Variants in DNAI1 observed in about 807,000 individuals in gnomAD.
DNAI1 encodes the protein dynein, axonemal, intermediate polypeptide 1.
DNAI1 carries 67 observed loss-of-function variants against 92.0 expected under a neutral mutation model. The ratio of observed to expected loss-of-function variants is 0.73; its 90% CI spans 0.60 to 0.89. The LOEUF is 0.89. Among genes scored for constraint, DNAI1 ranks in the 40% least tolerant of loss-of-function variants. The probability of loss-of-function intolerance (pLI) is 0.00; values close to 1 mark genes in which losing one functional copy is unlikely to be tolerated. For missense variants in DNAI1, 839 were observed against 866.6 expected (o/e 0.97, Z 0.40); for synonymous variants, 323 against 319.6 (o/e 1.01, Z -0.11).
intron 9 of DNAI1, among the ~76,000 whole-genome samples, chr9:34,494,059 A>G (rs913896802): frequency 3.3e-5 from 5 of 152,108 alleles, no homozygotes; most frequent in African/African-American, 1.2e-4. Flanking sequence ...CAGGAACCAG[A>G]GTCCCATTGT....
chr9:34,491,269 CCCTGCT>C lies in DNAI1; in HGVS notation c.622-225_622-220del, dbSNP rs1211716032. The stretch of plus-strand genomic sequence containing the variant: ...AATGGGCACAGTCAGGCTTCCCTGC[CCCTGCT>C]TTCTAGCTTATACTTCTTCTGAAGG... On this transcript the variant is annotated intron_variant, in intron 7 of 19. Transcript: ENST00000242317. 12 of 610,212 alleles carry C rather than the reference CCCTGCT, an allele frequency of 2.0e-5. No homozygotes were observed. The African/African-American group carries it at 2.2e-4, about 11-fold the overall frequency. 37.8% of individuals were successfully genotyped at this position (610,212 alleles called of 1,614,324 possible).
intron 9 of DNAI1, among the ~76,000 whole-genome samples, chr9:34,496,571 G>A (rs1185043320): frequency 6.6e-6 from 1 of 152,198 alleles, no homozygotes; most frequent in African/African-American, 2.4e-5. Context: ...CCTGGAATTA[G>A]GAGTCTCAGT....
At chr9:34,464,195 C>A (rs1823997238) in intron 1 of DNAI1, among the ~76,000 whole-genome samples, 1 of 152,172 alleles carries the variant, frequency 6.6e-6, no homozygotes, top group South Asian at 2.1e-4. Flanking sequence ...CACTCGTGCC[C>A]TTTCCAGTCC....
chr9:34,508,497 C>A (rs1824986779), intron 13 of DNAI1, among the ~76,000 whole-genome samples: 1 of 152,156 alleles, frequency 6.6e-6, no homozygotes, highest in Non-Finnish European at 1.5e-5. Context: ...ATGTAGGTCT[C>A]CAGGCAGGGA....
intron 9 of DNAI1, among the ~76,000 whole-genome samples, chr9:34,496,882 G>A (rs1340616765): frequency 6.6e-6 from 1 of 152,252 alleles, no homozygotes; most frequent in South Asian, 2.1e-4. Flanking sequence ...TCTACCCAGG[G>A]GCCAAGTATA....
chr9:34,481,568 T>C (rs1824355869), intron 1 of DNAI1, among the ~76,000 whole-genome samples: 3 of 152,198 alleles, frequency 2.0e-5, no homozygotes, highest in Admixed American at 6.5e-5. Context: ...ACCCTCGCGG[T>C]GAGTGTTATA....
intron 16 of DNAI1, among the ~76,000 whole-genome samples, chr9:34,513,823 AACAAGAGATTACTCAGTC>A (rs1358084262): frequency 6.6e-6 from 1 of 152,196 alleles, no homozygotes; most frequent in Non-Finnish European, 1.5e-5. Context: ...AGGCAGGAGT[AACAAGAGATTACTCAGTC>A]ACACTGTCTT....
At chr9:34,459,237 G>A (rs935126134) in intron 1 of DNAI1, among the ~76,000 whole-genome samples, 184 bp downstream of exon 1, 2 of 151,076 alleles carry the variant, frequency 1.3e-5, no homozygotes, top group Non-Finnish European at 3.0e-5. Context: ...CACTAATCCC[G>A]GCCTCCTCTC....
In DNAI1 at chr9:34,512,408, G is replaced by A. The variant is rs1006610560; in HGVS notation, c.1473G>A (p.Leu491=). ...GCACCACGGAAGTTCCTGAGGGGTT[G>A]CAGCTGCACCCAGTGGGTAGGAGCC... is the stretch of plus-strand genomic sequence containing the variant. ...EGSTTEVPEG[L]QLHPVGCGTA... is the part of the protein sequence containing the mutation. Residue 491 remains leucine (L), a synonymous_variant, in exon 15 of 20, where the codon TTG becomes TTA. Coordinates refer to ENST00000242317, the MANE Select transcript of DNAI1 (RefSeq NM_012144.4). 2.5e-6 allele frequency: 4 copies of A among 1,614,072 alleles called. No homozygotes were observed. The highest frequency in any genetic ancestry group is 3.4e-6 in the Non-Finnish European group (4 of 1,180,036).
intron 6 of DNAI1, 86 bp from the exon 7 acceptor site, chr9:34,490,283 T>C: frequency 1.9e-6 from 3 of 1,611,832 alleles, no homozygotes; most frequent in Non-Finnish European, 2.5e-6. Flanking sequence ...ACCTCTGTCC[T>C]ATCCTAGGAC....
chr9:34,474,317 C>T (rs1401309770), intron 1 of DNAI1, among the ~76,000 whole-genome samples: 1 of 151,954 alleles, frequency 6.6e-6, no homozygotes, highest in Admixed American at 6.6e-5. Context: ...TTACTGCAGC[C>T]TCTACCTCCC....
chr9:34,512,312 C>T (rs200423125), intron 14 of DNAI1, 25 bp from the exon 15 acceptor site: 15 of 1,613,680 alleles, frequency 9.3e-6, no homozygotes, highest in Admixed American at 1.7e-5. Context: ...CCCTCCCCCC[C>T]ACATCCCTCT....
At position 34,490,076 on chromosome 9, in the gene DNAI1, G is replaced by C; in HGVS notation, c.453G>C (p.Lys151Asn). The C allele has an allele frequency of 6.2e-7, 1 of 1,614,200 alleles. No homozygotes were observed. Residue 151 changes from lysine to asparagine, a missense_variant, in exon 6 of 20, where the codon AAG (lysine) becomes AAC (asparagine). Physicochemically the swap from Lys to Asn is moderately conservative, Grantham distance 94. Coordinates refer to ENST00000242317, the MANE Select transcript of DNAI1 (RefSeq NM_012144.4). Reference sequence around the variant, plus strand: ...ACCTCGAAGAAGACGAAGAGCCCAAGGAGTTAGAAACTGAGCCTGGGAGTC... The same window carrying C: ...ACCTCGAAGAAGACGAAGAGCCCAACGAGTTAGAAACTGAGCCTGGGAGTC... Reference protein sequence around the residue: ...TGNLEEDEEPKELETEPGSQT... With the variant: ...TGNLEEDEEPNELETEPGSQT...
chr9:34,479,473 G>A (rs551123969), intron 1 of DNAI1, among the ~76,000 whole-genome samples: 1 of 152,306 alleles, frequency 6.6e-6, no homozygotes, highest in East Asian at 1.9e-4. Flanking sequence ...GGCTTTTATA[G>A]TGTGTTAATT....
chr9:34,490,267 T>C, intron 6 of DNAI1, 102 bp from the exon 7 acceptor site: 1 of 1,609,348 alleles, frequency 6.2e-7, no homozygotes, highest in Non-Finnish European at 8.5e-7. Context: ...AGCATCACTC[T>C]CTCCTACCTC....
intron 12 of DNAI1, among the ~76,000 whole-genome samples, chr9:34,504,351 AT>A (rs1395402050): frequency 6.6e-6 from 1 of 152,154 alleles, no homozygotes; most frequent in East Asian, 1.9e-4. Context: ...TGTTAATTTC[AT>A]TTACTGGAAA....
intron 1 of DNAI1, among the ~76,000 whole-genome samples, chr9:34,470,536 G>T (rs370092495): frequency 3.3e-5 from 5 of 151,976 alleles, no homozygotes; most frequent in African/African-American, 4.8e-5. Flanking sequence ...AATGACAAAG[G>T]GTCAATTCAA....
chr9:34,501,302 C>T (rs1824826879), intron 12 of DNAI1, 121 bp downstream of exon 12: 1 of 855,036 alleles, frequency 1.2e-6, no homozygotes, highest in East Asian at 2.4e-5. Context: ...AGGGGGCTCA[C>T]AGTCTAATGG....
chr9:34,501,638 C>G (rs1824833245), intron 12 of DNAI1, among the ~76,000 whole-genome samples: 1 of 152,216 alleles, frequency 6.6e-6, no homozygotes, highest in Non-Finnish European at 1.5e-5. Flanking sequence ...AGGCCTGAGA[C>G]TGGAGGCAAG....
Sources: allele counts gnomAD v4.1 joint callset (sites outside exome capture counted in the v4.1 genomes callset), GRCh38; gene constraint gnomAD v4.1.1; transcripts MANE v1.5; gene names NCBI Gene and HGNC (gene_info 2026-07-23, HGNC 2026-07-21).